The following RORA variants were observed in gnomAD, a reference collection of about 807,000 sequenced individuals.
RORA encodes the protein RAR related orphan receptor A, also known as nuclear receptor ROR-alpha.
RORA carries 7 observed loss-of-function variants against 69.5 expected under a neutral mutation model. That is an observed-to-expected ratio of 0.10 (90% CI 0.06 to 0.19). RORA has a LOEUF of 0.19. Among genes scored for constraint, RORA ranks in the 10% least tolerant of loss-of-function variants. The pLI, the probability that RORA is intolerant of heterozygous loss-of-function variation, is 1.00. For missense variants in RORA, 457 were observed against 663.0 expected (o/e 0.69, Z 3.41); for synonymous variants, 261 against 240.8 (o/e 1.08, Z -0.78).
Position 60,497,590 on chromosome 15 carries a change from G to A in RORA, c.1437C>T (p.Ala479=). The part of the protein sequence containing the change: ...KLICKVSTLR[A]LCGRHTEKLM... The stretch of plus-strand genomic sequence containing the variant: ...GCTTTTCTGTATGTCGTCCACATAA[G>A]GCTCTTAAGGTAGACACCTTGCATA... The change falls in exon 11 of 11, where the codon GCC becomes GCT. Residue 479 remains alanine (A), a synonymous_variant. Coordinates refer to ENST00000335670, the MANE Select transcript of RORA (RefSeq NM_134261.3). 2 of 1,612,112 alleles carry A rather than the reference G, an allele frequency of 1.2e-6. No individual in the cohort carries two copies. The highest frequency in any genetic ancestry group is 1.3e-5 in the African/African-American group (1 of 74,968).
intron 1 of RORA, among the ~76,000 whole-genome samples, chr15:60,881,482 A>C (rs1274729103): frequency 2.6e-5 from 4 of 152,244 alleles, no homozygotes; most frequent in African/African-American, 9.6e-5. Flanking sequence ...AAATCAGGAT[A>C]CGGCTTAAAC....
At chr15:60,515,959 A>ATATATATTTATATATT (rs2065869460) in intron 3 of RORA, among the ~76,000 whole-genome samples, 7 of 31,182 alleles carry the variant, frequency 2.2e-4, no homozygotes, top group Non-Finnish European at 1.6e-4. Context: ...TTATATATTT[A>ATATATATTTATATATT]TATTTATATA....
chr15:60,533,819 A>C (rs1042472486), intron 2 of RORA, among the ~76,000 whole-genome samples: 5 of 152,358 alleles, frequency 3.3e-5, no homozygotes, highest in Admixed American at 2.6e-4. Context: ...GAAATGAAGA[A>C]GACCTACTTG....
chr15:60,907,126 C>T (rs1332557608), intron 1 of RORA, among the ~76,000 whole-genome samples: 1 of 152,142 alleles, frequency 6.6e-6, no homozygotes, highest in African/African-American at 2.4e-5. Flanking sequence ...CCCCCACCAA[C>T]ATTATCATCA....
intron 1 of RORA, among the ~76,000 whole-genome samples, chr15:61,126,210 A>G (rs1892130675): frequency 6.6e-6 from 1 of 152,170 alleles, no homozygotes; most frequent in South Asian, 2.1e-4. Flanking sequence ...TTTCCCCTCC[A>G]GCTTTATTAC....
intron 1 of RORA, among the ~76,000 whole-genome samples, chr15:61,106,322 C>A (rs1566991818): frequency 6.6e-6 from 1 of 152,118 alleles, no homozygotes; most frequent in East Asian, 1.9e-4. Context: ...TGAGGTGAGA[C>A]CATACAGAAT....
At chr15:60,821,018 C>T (rs2072886311) in intron 1 of RORA, among the ~76,000 whole-genome samples, 1 of 145,942 alleles carries the variant, frequency 6.9e-6, no homozygotes, top group South Asian at 2.2e-4. Flanking sequence ...GGAACACCAC[C>T]AGGAACTGTG....
intron 2 of RORA, among the ~76,000 whole-genome samples, chr15:60,595,466 G>T (rs1292351561): frequency 6.6e-6 from 1 of 151,476 alleles, no homozygotes; most frequent in African/African-American, 2.4e-5. Flanking sequence ...AGTGAGCTGA[G>T]ATCACACCAC....
intron 2 of RORA, among the ~76,000 whole-genome samples, chr15:60,642,613 C>T (rs376026071): frequency 2.5e-4 from 38 of 152,126 alleles, no homozygotes; most frequent in African/African-American, 7.5e-4. Flanking sequence ...TCACACTGCT[C>T]GGCATAGTGG....
At chr15:61,072,673 T>G (rs532199811) in intron 1 of RORA, among the ~76,000 whole-genome samples, 1 of 152,360 alleles carries the variant, frequency 6.6e-6, no homozygotes, top group South Asian at 2.1e-4. Flanking sequence ...TGTTTTTATT[T>G]TATTATAAAC....
At chr15:60,876,097 C>G (rs1414426204) in intron 1 of RORA, among the ~76,000 whole-genome samples, 1 of 152,152 alleles carries the variant, frequency 6.6e-6, no homozygotes, top group African/African-American at 2.4e-5. Context: ...TACCACCACA[C>G]CCTCCTGAAG....
At chr15:60,566,193 G>A (rs573676514) in intron 2 of RORA, among the ~76,000 whole-genome samples, 1 of 152,146 alleles carries the variant, frequency 6.6e-6, no homozygotes, top group South Asian at 2.1e-4. Flanking sequence ...TCAAAGAATA[G>A]TATTTTATAC....
At chr15:60,541,813 T>C (rs2066881052) in intron 2 of RORA, among the ~76,000 whole-genome samples, 1 of 152,166 alleles carries the variant, frequency 6.6e-6, no homozygotes, top group Non-Finnish European at 1.5e-5. Context: ...AGCCACTTAT[T>C]TTTATGTAAG....
At chr15:60,545,157 TAAA>T (rs1459525889) in intron 2 of RORA, 4 of 152,200 alleles carry the variant, frequency 2.6e-5, no homozygotes. Flanking sequence ...GAAATTGAGT[TAAA>T]AAAAGAAAAT....
At chr15:61,159,105 T>C (rs2079471623) in intron 1 of RORA, among the ~76,000 whole-genome samples, 1 of 152,202 alleles carries the variant, frequency 6.6e-6, no homozygotes. Flanking sequence ...AATCAGACTC[T>C]GATTTAAGAA....
rs557469181 is a variant in RORA, at chr15:61,104,446, T to C, written c.166+124607A>G. ...CTGAGTTCTGCCTTTCCTTTTGGAATAGAGGAGGTATCAGAATTTGTTACC... is the reference window on the plus strand; with the variant it reads ...CTGAGTTCTGCCTTTCCTTTTGGAACAGAGGAGGTATCAGAATTTGTTACC... On this transcript the variant is annotated intron_variant, in intron 1 of 10. Transcript: ENST00000335670. Among the ~76,000 whole-genome samples, 5 of 152,290 alleles carry C rather than the reference T, an allele frequency of 3.3e-5. No homozygotes were observed. The East Asian group carries it at 7.7e-4, about 24-fold the overall frequency.
intron 2 of RORA, among the ~76,000 whole-genome samples, chr15:60,545,962 A>C (rs2067055718): frequency 1.3e-5 from 2 of 152,230 alleles, no homozygotes; most frequent in Non-Finnish European, 2.9e-5. Flanking sequence ...GCTTTAAGGA[A>C]GAACTTAAAA....
intron 1 of RORA, among the ~76,000 whole-genome samples, chr15:60,966,381 T>C (rs1276447220): frequency 2.0e-5 from 3 of 152,226 alleles, no homozygotes; most frequent in Non-Finnish European, 4.4e-5. Context: ...GATTGGTTTC[T>C]GGAAGATGAG....
At chr15:61,029,521 G>A (rs556873059) in intron 1 of RORA, among the ~76,000 whole-genome samples, 1 of 152,260 alleles carries the variant, frequency 6.6e-6, no homozygotes, top group East Asian at 1.9e-4. Context: ...CTAAAGTAAG[G>A]AGTACAGACG....
Sources: gnomAD v4.1 joint callset for allele counts (sites outside exome capture counted in the v4.1 genomes callset) on GRCh38, gnomAD v4.1.1 for gene constraint, MANE v1.5 for transcripts, NCBI Gene and HGNC (gene_info 2026-07-23, HGNC 2026-07-21) for gene names.